Variants in SCN1A observed in about 807,000 individuals in gnomAD.
SCN1A encodes the protein sodium channel protein type 1 subunit alpha.
A neutral mutation model predicts 193.7 loss-of-function variants in SCN1A; 13 were observed. The observed-to-expected ratio is 0.07, with a 90% CI of 0.04 to 0.11. SCN1A has a LOEUF of 0.11. SCN1A is among the 10% of genes least tolerant of loss of function. SCN1A has a pLI of 1.00. For missense variants in SCN1A, 1,432 were observed against 2,451.1 expected (o/e 0.58, Z 8.78); for synonymous variants, 781 against 843.6 (o/e 0.93, Z 1.29).
chr2:166,012,612 CTTTTTTTTTT>C (rs60890420), intron 21 of SCN1A, among the ~76,000 whole-genome samples: 3 of 77,226 alleles, frequency 3.9e-5, no homozygotes, highest in Admixed American at 3.1e-4. Flanking sequence ...CTTCTATTGG[CTTTTTTTTTT>C]TTTTTTTTTT....
intron 2 of SCN1A, among the ~76,000 whole-genome samples, chr2:166,104,012 C>CA (rs1341602131): frequency 3.9e-5 from 6 of 152,142 alleles, no homozygotes; most frequent in Admixed American, 3.9e-4. Context: ...CTGTTCATGG[C>CA]ATAGTGCCTG....
chr2:166,144,812 CCTAT>C (rs1426337685), intron 1 of SCN1A, among the ~76,000 whole-genome samples: 1 of 151,240 alleles, frequency 6.6e-6, no homozygotes, highest in Non-Finnish European at 1.5e-5. Flanking sequence ...GATAATGGGG[CCTAT>C]CTTTTAGAGT....
intron 2 of SCN1A, among the ~76,000 whole-genome samples, chr2:166,093,581 G>A (rs560377722): frequency 9.9e-5 from 15 of 152,094 alleles, no homozygotes; most frequent in African/African-American, 3.4e-4. Context: ...CTGACCTCAC[G>A]ATCCACCCGC....
At chr2:166,018,113 T>C (rs1225653092) in intron 19 of SCN1A, among the ~76,000 whole-genome samples, 3 of 152,006 alleles carry the variant, frequency 2.0e-5, no homozygotes, top group African/African-American at 7.2e-5. Flanking sequence ...AGTAATATCA[T>C]GCAATTGTTA....
Position 166,036,054 on chromosome 2 carries a change from G to A in SCN1A, c.3423C>T (p.Ser1141=), listed in dbSNP as rs1696301764. 6.2e-7 allele frequency: 1 copy of A among 1,613,320 alleles called. No homozygotes were observed. Among genetic ancestry groups the A allele is most frequent in the Non-Finnish European group, 8.5e-7 (1 of 1,179,756 alleles). The change falls in exon 19 of 29, where the codon AGC becomes AGT. Residue 1141 remains serine, a synonymous_variant. Transcript: ENST00000674923. ...DFSSESDLEE[S]KEKLNESSSS... is the part of the protein sequence containing the mutation. ...CACACCTATAGAATCTTACCTCTTTGCTTTCTTCCAGATCCGATTCACTAC... is the reference window on the plus strand; with the variant it reads ...CACACCTATAGAATCTTACCTCTTTACTTTCTTCCAGATCCGATTCACTAC...
intron 19 of SCN1A, among the ~76,000 whole-genome samples, chr2:166,018,108 TATC>T (rs1456541726): frequency 6.6e-6 from 1 of 152,028 alleles, no homozygotes; most frequent in African/African-American, 2.4e-5. Flanking sequence ...TTACTAGTAA[TATC>T]ATGCAATTGT....
chr2:166,002,181 A>G (rs1028626032), intron 24 of SCN1A, among the ~76,000 whole-genome samples: 5 of 151,578 alleles, frequency 3.3e-5, no homozygotes, highest in Non-Finnish European at 7.4e-5. Context: ...AAAGTTACTG[A>G]TTTATTAATT....
intron 19 of SCN1A, among the ~76,000 whole-genome samples, chr2:166,016,923 A>T (rs1041129288): frequency 6.6e-6 from 1 of 151,536 alleles, no homozygotes; most frequent in South Asian, 2.1e-4. Flanking sequence ...TTTCACATAC[A>T]TAGGAGAGTG....
Position 166,050,613 on chromosome 2 carries a change from GTA to G in SCN1A, c.964+1104_964+1105del, listed in dbSNP as rs368513344. 3.7e-3 allele frequency among the ~76,000 whole-genome samples: 244 copies of G among 65,380 alleles called. 10 individuals are homozygous for G. The highest frequency in any genetic ancestry group is 7.6e-3 in the Admixed American group (39 of 5,128). The allele number at this position is 65,380 out of a possible 152,430, so 42.9% of individuals were successfully genotyped here. A position where few individuals can be genotyped will look rare whatever the true frequency, so the allele number is the denominator to read the frequency against. On this transcript the variant is annotated intron_variant, in intron 9 of 28. Coordinates refer to ENST00000674923, the MANE Select transcript of SCN1A (RefSeq NM_001165963.4). ...CACCACACCCAACTCATTAAAAAAA[GTA>G]TATATATATATATATATATATATGT...
chr2:165,994,509 C>T, intron 27 of SCN1A, 93 bp from the exon 28 acceptor site: 1 of 1,197,454 alleles, frequency 8.4e-7, no homozygotes, highest in South Asian at 1.3e-5. Flanking sequence ...TTTCTAGTTT[C>T]TTGCAAAGTA....
Position 166,037,883 on chromosome 2 carries a change from C to T in SCN1A, c.2839G>A (p.Val947Met), listed in dbSNP as rs796052986. The change falls in exon 18 of 29, where the codon GTG becomes ATG. Residue 947 changes from valine (V) to methionine (M), a missense_variant. By Grantham distance (21) the Val-to-Met change is conservative. Transcript: ENST00000674923. The part of the protein sequence containing the change: ...FFHSFLIVFR[V>M]LCGEWIETMW... Reference sequence around the variant, plus strand: ...GTCTCTATCCACTCCCCACACAGCACGCGGAACACAATCAGGAAGGAGTGG... The same window carrying T: ...GTCTCTATCCACTCCCCACACAGCATGCGGAACACAATCAGGAAGGAGTGG... The T allele has an allele frequency of 1.2e-6, 2 of 1,614,126 alleles. No homozygotes were observed. Among genetic ancestry groups the T allele is most frequent in the Non-Finnish European group, 8.5e-7 (1 of 1,180,024 alleles).
chr2:166,048,796 T>A lies in SCN1A; in HGVS notation c.1028+90A>T. 3.4e-6 allele frequency: 3 copies of A among 874,224 alleles called. No individual in the cohort carries two copies. In the South Asian group the frequency reaches 4.3e-5, roughly 13 times the overall value. 54.2% of individuals were successfully genotyped at this position (874,224 alleles called of 1,614,324 possible). On this transcript the variant is annotated intron_variant, in intron 10 of 28. Coordinates refer to ENST00000674923, the MANE Select transcript of SCN1A (RefSeq NM_001165963.4). ...AATGTCAATAAAATTAGTTGGCTGT[T>A]ATCTTCAGTTTCTATAAAAAGAGAG...
chr2:166,012,350 T>A, intron 21 of SCN1A, 68 bp from the exon 22 acceptor site: 1 of 1,228,214 alleles, frequency 8.1e-7, no homozygotes, highest in Non-Finnish European at 1.2e-6. Flanking sequence ...ATTTAAAAAA[T>A]TAATCATATG....
chr2:166,125,237 T>C (rs1161420098), intron 2 of SCN1A, among the ~76,000 whole-genome samples: 2 of 152,214 alleles, frequency 1.3e-5, no homozygotes, highest in Non-Finnish European at 2.9e-5. Context: ...GACCTTCAAT[T>C]GCTGATTCTC....
At chr2:166,021,965 C>T (rs1426320005) in intron 19 of SCN1A, among the ~76,000 whole-genome samples, 1 of 152,034 alleles carries the variant, frequency 6.6e-6, no homozygotes, top group East Asian at 1.9e-4. Flanking sequence ...TGGAAAACTC[C>T]CTATAGTCCC....
intron 2 of SCN1A, among the ~76,000 whole-genome samples, chr2:166,084,774 G>C (rs1305699942): frequency 6.6e-6 from 1 of 152,036 alleles, no homozygotes; most frequent in African/African-American, 2.4e-5. Flanking sequence ...AATAATTTAA[G>C]GGTACCCTGA....
chr2:166,053,778 C>T (rs1235781952), intron 7 of SCN1A, among the ~76,000 whole-genome samples: 3 of 151,920 alleles, frequency 2.0e-5, no homozygotes, highest in African/African-American at 7.2e-5. Context: ...AAATCAGCTC[C>T]TGAAGGAAGG....
Position 166,070,777 on chromosome 2 carries a change from AGATT to A in SCN1A, c.264+2577_264+2580del, listed in dbSNP as rs757856616. 1.0e-3 allele frequency among the ~76,000 whole-genome samples: 153 copies of A among 152,282 alleles called. 1 individual carries two copies. The highest frequency in any genetic ancestry group is 3.4e-3 in the Middle Eastern group (1 of 294). ...AAAGCTCTTTAATTAAAGAAAAAAA[AGATT>A]GATTGGTTGTTCTGGTTTCCAGATG... is the stretch of plus-strand genomic sequence containing the variant. On this transcript the variant is annotated intron_variant, in intron 4 of 28. Transcript: ENST00000674923.
chr2:166,016,594 T>C (rs752522884), intron 19 of SCN1A: 16 of 152,016 alleles, frequency 1.1e-4, no homozygotes, highest in African/African-American at 3.9e-4. Flanking sequence ...CATATTAAGA[T>C]AGGAAAAACT....
Sources: gnomAD v4.1 joint callset for allele counts (sites outside exome capture counted in the v4.1 genomes callset) on GRCh38, gnomAD v4.1.1 for gene constraint, MANE v1.5 for transcripts, NCBI Gene and HGNC (gene_info 2026-07-23, HGNC 2026-07-21) for gene names.